Variants in TMEM177 observed in about 807,000 individuals in gnomAD.
TMEM177 encodes the protein transmembrane protein 177.
TMEM177 carries 4 observed loss-of-function variants against 14.2 expected under a neutral mutation model. That is an observed-to-expected ratio of 0.28 (90% CI 0.14 to 0.64). The LOEUF is 0.64. Ranked by LOEUF, TMEM177 falls within the 30% of genes least tolerant of loss-of-function variation. The probability of loss-of-function intolerance (pLI) is 0.82; values close to 1 mark genes in which losing one functional copy is unlikely to be tolerated. For missense variants in TMEM177, 344 were observed against 405.2 expected (o/e 0.85, Z 1.30); for synonymous variants, 179 against 174.5 (o/e 1.03, Z -0.20).
the TMEM177 span, among the ~76,000 whole-genome samples, chr2:119,705,990 A>ATTATATAT: frequency 1.3e-3 from 19 of 14,612 alleles, no homozygotes; most frequent in Middle Eastern, 0.083. Flanking sequence ...CTCTCTATAT[A>ATTATATAT]TATATATTAT....
rs143948155 is a variant in TMEM177 at position 119,680,370 on chromosome 2, C to T, written c.-22-462C>T. Reference sequence around the variant, plus strand: ...GGTCATGGGGTTGTGAGGGTTCAATCGGTAAGAGTGCTCAGAACTGAGTCT... The same window carrying T: ...GGTCATGGGGTTGTGAGGGTTCAATTGGTAAGAGTGCTCAGAACTGAGTCT... On this transcript the variant is annotated intron_variant, in intron 1 of 1. Transcript: ENST00000272521. Among the ~76,000 whole-genome samples the T allele has an allele frequency of 4.6e-3, 695 of 152,226 alleles. 6 individuals are homozygous for T. Among genetic ancestry groups the T allele is most frequent in the Admixed American group, 0.011 (164 of 15,294 alleles).
chr2:119,693,905 T>TACCACA, the TMEM177 span, among the ~76,000 whole-genome samples: 1 of 5,844 alleles, frequency 1.7e-4, no homozygotes, highest in Non-Finnish European at 3.9e-4. Context: ...ACACCACACA[T>TACCACA]CACATACACA....
the TMEM177 span, chr2:119,698,514 T>C: frequency 6.6e-6 from 1 of 152,364 alleles, no homozygotes; most frequent in Non-Finnish European, 1.5e-5. Context: ...AAGCAAGTTA[T>C]TGGCTCACTG....
the TMEM177 span, chr2:119,700,162 A>C: frequency 9.6e-6 from 2 of 207,578 alleles, no homozygotes; most frequent in Non-Finnish European, 2.1e-5. Context: ...GAATAAATTC[A>C]GCATAAAATA....
the TMEM177 span, among the ~76,000 whole-genome samples, chr2:119,712,252 T>C: frequency 6.6e-6 from 1 of 152,046 alleles, no homozygotes; most frequent in African/African-American, 2.4e-5. Flanking sequence ...TACTCTCTCC[T>C]GCCGCGTGGC....
chr2:119,687,792 C>A (rs1203680658), downstream of TMEM177, among the ~76,000 whole-genome samples: 2 of 152,152 alleles, frequency 1.3e-5, no homozygotes, highest in Non-Finnish European at 2.9e-5. Context: ...CCCACAGAAA[C>A]AAGAAGACAA....
chr2:119,718,821 G>C, the TMEM177 span, among the ~76,000 whole-genome samples: 2,363 of 152,300 alleles, frequency 0.016, 27 homozygotes, highest in Non-Finnish European at 0.027. Context: ...CACTGTTCCT[G>C]CTCTACCCAA....
At chr2:119,712,446 TTGAG>T in the TMEM177 span, among the ~76,000 whole-genome samples, 158 of 152,188 alleles carry the variant, frequency 1.0e-3, no homozygotes, top group African/African-American at 3.5e-3. Flanking sequence ...ATGAGGTCAT[TTGAG>T]TGGACGCTAA....
At chr2:119,688,516 G>A (rs1371924819), downstream of TMEM177, among the ~76,000 whole-genome samples, 4 of 152,284 alleles carry the variant, frequency 2.6e-5, no homozygotes, top group Non-Finnish European at 2.9e-5. Context: ...TGTAAAGCAC[G>A]TTGTTGTGCT....
chr2:119,684,154 C>T (rs1346461163), downstream of TMEM177, among the ~76,000 whole-genome samples: 1 of 152,198 alleles, frequency 6.6e-6, no homozygotes, highest in Non-Finnish European at 1.5e-5. Context: ...CTTTCCCTTG[C>T]TCTGGATCCT....
chr2:119,681,551 G>A lies in TMEM177; in HGVS notation c.698G>A (p.Arg233His), dbSNP rs781205669. 2.2e-5 allele frequency: 35 copies of A among 1,614,118 alleles called. No individual in the cohort carries two copies. The Admixed American group carries it at 2.3e-4, about 11-fold the overall frequency. Residue 233 changes from arginine to histidine, a missense_variant, in exon 2 of 2, where the codon CGC becomes CAC. Physicochemically the swap from Arg to His is conservative, Grantham distance 29 (BLOSUM62 0). Coordinates refer to ENST00000272521, the MANE Select transcript of TMEM177 (RefSeq NM_030577.3). ...LTHAVESWLDRRTASLSAAYA... is the reference protein window; with the variant it reads ...LTHAVESWLDHRTASLSAAYA... ...CATGCCGTGGAGTCCTGGCTGGACC[G>A]CCGCACGGCCTCCCTCTCTGCAGCC...
At chr2:119,680,503 C>T (rs547893663) in intron 1 of TMEM177, among the ~76,000 whole-genome samples, 9 of 152,206 alleles carry the variant, frequency 5.9e-5, no homozygotes, top group Non-Finnish European at 1.2e-4. Context: ...GTGCCGTGCC[C>T]AGCGATGGGA....
the TMEM177 span, among the ~76,000 whole-genome samples, chr2:119,699,380 A>G: frequency 1.3e-5 from 2 of 152,186 alleles, no homozygotes; most frequent in African/African-American, 4.8e-5. Context: ...CCATGATCCA[A>G]TCCCCTCCCA....
At chr2:119,721,518 A>C in the TMEM177 span, among the ~76,000 whole-genome samples, 2 of 152,176 alleles carry the variant, frequency 1.3e-5, no homozygotes, top group African/African-American at 4.8e-5. Context: ...TGAACCTGAG[A>C]GGGATTGTGG....
chr2:119,685,926 G>A (rs564578262), downstream of TMEM177: 54 of 554,058 alleles, frequency 9.7e-5, no homozygotes, highest in South Asian at 1.2e-3. Flanking sequence ...AACTTCCGAG[G>A]AGACCCCTCC....
At chr2:119,706,486 C>T in the TMEM177 span, among the ~76,000 whole-genome samples, 1 of 152,188 alleles carries the variant, frequency 6.6e-6, no homozygotes, top group Admixed American at 6.5e-5. Context: ...TGCTGAGTGG[C>T]TAGCGCTGGG....
At chr2:119,693,184 C>G in the TMEM177 span, among the ~76,000 whole-genome samples, 1 of 152,022 alleles carries the variant, frequency 6.6e-6, no homozygotes. Flanking sequence ...AAGGCCGTGG[C>G]CGCAGTGAGG....
chr2:119,695,320 T>C, the TMEM177 span, among the ~76,000 whole-genome samples: 1 of 152,230 alleles, frequency 6.6e-6, no homozygotes, highest in African/African-American at 2.4e-5. Context: ...AGGAGCTGTT[T>C]TCATTCTTGT....
chr2:119,709,577 T>C, the TMEM177 span, among the ~76,000 whole-genome samples: 4 of 152,180 alleles, frequency 2.6e-5, no homozygotes, highest in Non-Finnish European at 5.9e-5. Context: ...ATCCTAGCTC[T>C]TTGGGAGGCC....
Sources: gnomAD v4.1 joint callset for allele counts (sites outside exome capture counted in the v4.1 genomes callset) on GRCh38, gnomAD v4.1.1 for gene constraint, MANE v1.5 for transcripts, NCBI Gene and HGNC (gene_info 2026-07-23, HGNC 2026-07-21) for gene names.